ERCC6: variants seen among roughly 807,000 people sequenced by gnomAD.
ERCC6 encodes DNA excision repair protein ERCC-6.
In ERCC6, 116 loss-of-function variants were observed where a neutral mutation model predicts 158.7. That is an observed-to-expected ratio of 0.73 (90% confidence interval 0.63 to 0.85). The LOEUF (loss-of-function observed/expected upper bound fraction) is 0.85. ERCC6 is among the 40% of genes least tolerant of loss of function. The pLI is 0.00. For missense variants in ERCC6, 1,698 were observed against 1,799.4 expected (o/e 0.94, Z 1.02); for synonymous variants, 678 against 659.3 (o/e 1.03, Z -0.43).
At chr10:49,482,613 C>T in intron 10 of ERCC6, 74 bp downstream of exon 10, 1 of 1,318,142 alleles carries the variant, frequency 7.6e-7, no homozygotes, top group Non-Finnish European at 1.1e-6. Context: ...AATGACTTGG[C>T]TACAAATTAT....
At chr10:49,526,788 G>A (rs1039603037) in intron 4 of ERCC6, among the ~76,000 whole-genome samples, 1 of 152,168 alleles carries the variant, frequency 6.6e-6, no homozygotes, top group Non-Finnish European at 1.5e-5. Flanking sequence ...TTCAGTTCAT[G>A]TCTTCAAGTG....
At chr10:49,504,468 T>TATAAAAA (rs1851410970) in intron 6 of ERCC6, 1 of 152,170 alleles carries the variant, frequency 6.6e-6, no homozygotes, top group Admixed American at 6.6e-5. Flanking sequence ...CTAGAAAATC[T>TATAAAAA]GACATTTATA....
At chr10:49,533,361 T>C (rs754115636) in intron 1 of ERCC6, among the ~76,000 whole-genome samples, 74 of 152,202 alleles carry the variant, frequency 4.9e-4, no homozygotes, top group Admixed American at 5.2e-4. Context: ...TATAATATAG[T>C]GGCAAGATCA....
At chr10:49,505,854 A>G (rs1382055083) in intron 6 of ERCC6, 30 bp downstream of exon 6, 1 of 1,612,184 alleles carries the variant, frequency 6.2e-7, no homozygotes, top group South Asian at 1.1e-5. Context: ...CTTGATAGCA[A>G]ATAGAAAGGA....
chr10:49,522,558 T>C (rs900228902), intron 5 of ERCC6, among the ~76,000 whole-genome samples: 1 of 152,324 alleles, frequency 6.6e-6, no homozygotes, highest in Middle Eastern at 3.4e-3. Context: ...TAAGAAAAAC[T>C]TATTGCCATC....
intron 7 of ERCC6, among the ~76,000 whole-genome samples, chr10:49,497,564 A>G (rs576786822): frequency 4.6e-4 from 70 of 152,298 alleles, no homozygotes; most frequent in African/African-American, 1.5e-3. Flanking sequence ...CCCCCTTAGT[A>G]GAAAAAATTG....
chr10:49,501,369 AT>A (rs1851352574), intron 6 of ERCC6: 1 of 152,310 alleles, frequency 6.6e-6, no homozygotes, highest in Non-Finnish European at 1.5e-5. Flanking sequence ...CAAAGCAGAA[AT>A]TGATTCAGGG....
chr10:49,464,550 G>A lies in ERCC6; in HGVS notation c.3779-2994C>T, dbSNP rs563307808. Among the ~76,000 whole-genome samples the A allele has an allele frequency of 1.1e-4, 17 of 152,328 alleles. No individual in the cohort carries two copies. The South Asian group carries it at 3.5e-3, about 32-fold the overall frequency. ...AAGACAATGAGGAAAATGTCTGCAG[G>A]GCATATCAGAGACCTTCATGGCAAC... On this transcript the variant is annotated intron_variant, in intron 18 of 20. Transcript: ENST00000355832.
At chr10:49,487,176 T>C (rs1053199763) in intron 8 of ERCC6, among the ~76,000 whole-genome samples, 1 of 152,198 alleles carries the variant, frequency 6.6e-6, no homozygotes, top group Non-Finnish European at 1.5e-5. Context: ...TAAGAAAATC[T>C]GAAGGAACAA....
At chr10:49,486,401 C>T (rs1004787457) in intron 8 of ERCC6, among the ~76,000 whole-genome samples, 11 of 151,758 alleles carry the variant, frequency 7.2e-5, no homozygotes, top group African/African-American at 2.2e-4. Context: ...AACTTAGCCT[C>T]CCAAAAAAGG....
chr10:49,509,798 CCAA>C (rs2132587383), intron 5 of ERCC6, among the ~76,000 whole-genome samples: 1 of 152,228 alleles, frequency 6.6e-6, no homozygotes, highest in African/African-American at 2.4e-5. Context: ...AGTAAATAGT[CCAA>C]TATTTACCCT....
chr10:49,483,282 T>G, intron 9 of ERCC6, 64 bp downstream of exon 9: 1 of 1,488,254 alleles, frequency 6.7e-7, no homozygotes, highest in East Asian at 2.3e-5. Flanking sequence ...TAAAAGCAGA[T>G]AGTTTATTCT....
chr10:49,481,305 C>T (rs1343820799), intron 10 of ERCC6, among the ~76,000 whole-genome samples: 1 of 151,964 alleles, frequency 6.6e-6, no homozygotes, highest in Non-Finnish European at 1.5e-5. Context: ...TTGCAACTTT[C>T]TGTTAAGTTT....
the ERCC6 span, among the ~76,000 whole-genome samples, chr10:49,445,508 T>C: frequency 3.9e-5 from 6 of 152,186 alleles, no homozygotes; most frequent in African/African-American, 1.4e-4. Context: ...AACATAAAAA[T>C]GAAACTGCTA....
intron 18 of ERCC6, among the ~76,000 whole-genome samples, chr10:49,463,887 CTCTT>C (rs897344408): frequency 4.3e-4 from 65 of 152,300 alleles, no homozygotes; most frequent in African/African-American, 1.5e-3. Context: ...TTGATTAAAC[CTCTT>C]TCTTTTGTAA....
Position 49,455,263 on chromosome 10 carries a change from CT to C in ERCC6, c.*3551del, listed in dbSNP as rs1259811578. ...AAATTTCATCCAAGAATATAAAAGA[CT>C]TTAATAAAATGAGGCCTATCATAAC... On this transcript the variant is annotated 3_prime_UTR_variant, in exon 21 of 21. Transcript: ENST00000355832. 7.9e-5 allele frequency: 12 copies of C among 152,154 alleles called. No individual in the cohort carries two copies. Among genetic ancestry groups the C allele is most frequent in the South Asian group, 4.1e-4 (2 of 4,822 alleles). 9.4% of individuals were successfully genotyped at this position (152,154 alleles called of 1,614,324 possible).
chr10:49,509,367 G>A lies in ERCC6; in HGVS notation c.1398-3355C>T, dbSNP rs540173425. 8.5e-5 allele frequency among the ~76,000 whole-genome samples: 13 copies of A among 152,258 alleles called. No homozygotes were observed. The East Asian group carries it at 1.9e-3, about 23-fold the overall frequency. ...ACTGAAAGAAGAGAAAGCAAGTTAC[G>A]TATGTGGCCCAATGCAATGTGCATA... On this transcript the variant is annotated intron_variant, in intron 5 of 20. Coordinates refer to ENST00000355832, the MANE Select transcript of ERCC6 (RefSeq NM_000124.4).
rs1837167763 is a variant in ERCC6, at chr10:49,521,685, A to G, written c.1397+2348T>C. On this transcript the variant is annotated intron_variant, in intron 5 of 20. Transcript: ENST00000355832. ...CCCACTGAGGAGTCAGCCTCCAGAT[A>G]CAGTTCAGTGCAGAGGAGGAGGCAG... 2.0e-5 allele frequency among the ~76,000 whole-genome samples: 3 copies of G among 152,346 alleles called. No individual in the cohort carries two copies. The South Asian group carries it at 6.2e-4, about 32-fold the overall frequency.
chr10:49,491,465 A>G (rs1851171603), intron 8 of ERCC6, among the ~76,000 whole-genome samples: 1 of 152,238 alleles, frequency 6.6e-6, no homozygotes, highest in Non-Finnish European at 1.5e-5. Flanking sequence ...AAACACTGAA[A>G]AAATTATTAA....
Sources: allele counts gnomAD v4.1 joint callset (sites outside exome capture counted in the v4.1 genomes callset), GRCh38; gene constraint gnomAD v4.1.1; transcripts MANE v1.5; gene names NCBI Gene and HGNC (gene_info 2026-07-23, HGNC 2026-07-21).